PXDN: variants seen among roughly 807,000 people sequenced by gnomAD.
PXDN encodes peroxidasin homolog.
Under a neutral mutation model 140.3 loss-of-function variants are expected in PXDN, and 77 were observed. The ratio of observed to expected loss-of-function variants is 0.55; its 90% CI spans 0.46 to 0.66. The LOEUF (loss-of-function observed/expected upper bound fraction) is 0.66. Ranked by LOEUF, PXDN falls within the 30% of genes least tolerant of loss-of-function variation. PXDN has a pLI of 0.00. For synonymous variants in PXDN, 911 were observed against 857.4 expected, an observed-to-expected ratio of 1.06 and a Z score of -1.09; for missense variants, 1,838 against 2,039.5, an observed-to-expected ratio of 0.90 and a Z score of 1.90.
chr2:1,680,833 G>A (rs1235790979), intron 6 of PXDN, among the ~76,000 whole-genome samples: 2 of 152,168 alleles, frequency 1.3e-5, no homozygotes, highest in Non-Finnish European at 2.9e-5. Context: ...CCTCCGGCCT[G>A]AGGCTTCCCA....
intron 17 of PXDN, 79 bp from the exon 18 acceptor site, chr2:1,644,831 C>A: frequency 7.8e-7 from 1 of 1,289,460 alleles, no homozygotes; most frequent in Non-Finnish European, 1.0e-6. Flanking sequence ...AAAAACAGTT[C>A]TTTCTTTCTA....
intron 8 of PXDN, 49 bp from the exon 9 acceptor site, chr2:1,673,861 G>T: frequency 6.3e-7 from 1 of 1,592,274 alleles, no homozygotes; most frequent in Non-Finnish European, 8.6e-7. Context: ...GCACAAAGAC[G>T]TACCTCACCC....
Position 1,680,305 on chromosome 2 carries a change from C to G in PXDN, c.618G>C (p.Leu206Phe), listed in dbSNP as rs1471201925. Reference sequence around the variant, plus strand: ...TCCCCGACTCCGCGTAGGTTTTCAGCAAATCCGCCAACCACAGGATTTCAC... The same window carrying G: ...TCCCCGACTCCGCGTAGGTTTTCAGGAAATCCGCCAACCACAGGATTTCAC... ...CDCEILWLAD[L>F]LKTYAESGNA... Residue 206 changes from leucine (L) to phenylalanine (F), a missense_variant, in exon 7 of 23, where the codon TTG (leucine) becomes TTC (phenylalanine). Leu to Phe is a conservative substitution (Grantham distance 22). Coordinates refer to ENST00000252804, the MANE Select transcript of PXDN (RefSeq NM_012293.3). The G allele has an allele frequency of 6.2e-7, 1 of 1,614,020 alleles. No homozygotes were observed. The highest frequency in any genetic ancestry group is 8.5e-7 in the Non-Finnish European group (1 of 1,179,896).
chr2:1,711,832 G>A, intron 1 of PXDN, among the ~76,000 whole-genome samples: 1 of 152,220 alleles, frequency 6.6e-6, no homozygotes, highest in South Asian at 2.1e-4. Context: ...ACTCAGGTCT[G>A]TGGAGATCTC....
At chr2:1,691,548 C>T (rs762970332) in intron 3 of PXDN, among the ~76,000 whole-genome samples, 2 of 152,216 alleles carry the variant, frequency 1.3e-5, no homozygotes, top group South Asian at 2.1e-4. Flanking sequence ...GCAAGGCGAC[C>T]GGAAACTATT....
At chr2:1,683,946 GTTA>G in intron 5 of PXDN, 131 bp downstream of exon 5, 4 of 994,498 alleles carry the variant, frequency 4.0e-6, no homozygotes. Context: ...TTTCCAAATT[GTTA>G]GACTAGAAAT....
intron 1 of PXDN, among the ~76,000 whole-genome samples, chr2:1,721,596 G>A (rs1483864617): frequency 1.3e-5 from 2 of 152,188 alleles, no homozygotes; most frequent in Non-Finnish European, 2.9e-5. Flanking sequence ...CAGCACTTTG[G>A]GAGGCCGAGG....
chr2:1,687,704 C>A lies in PXDN; in HGVS notation c.345-1G>T. On this transcript the variant is annotated splice_acceptor_variant, in intron 3 of 22. Transcript: ENST00000252804. LOFTEE classifies it high-confidence loss of function. The surrounding 1 kb of genome is among the most constrained non-coding windows in gnomAD (Gnocchi z 4.0). ...CTGGATCTCATTCTTGTACAGATAGCTGAAACAAGAAACATTGGGGAGCAT... is the reference window on the plus strand; with the variant it reads ...CTGGATCTCATTCTTGTACAGATAGATGAAACAAGAAACATTGGGGAGCAT... The A allele has an allele frequency of 6.6e-7, 1 of 1,511,644 alleles. No individual in the cohort carries two copies. Among genetic ancestry groups the A allele is most frequent in the East Asian group, 2.3e-5 (1 of 43,842 alleles). The allele number at this position is 1,511,644 out of a possible 1,614,324, so 93.6% of individuals were successfully genotyped here.
In PXDN at chr2:1,665,059, G is replaced by C. The variant is rs945360622; in HGVS notation, c.1307C>G (p.Thr436Ser). ...AACGACTCTGTCCTGAGGCGTCACAGTGAACTGAGGAAGAGCTTCCGGAGA... is the reference window on the plus strand; with the variant it reads ...AACGACTCTGTCCTGAGGCGTCACACTGAACTGAGGAAGAGCTTCCGGAGA... ...FIIVQALPQF[T>S]VTPQDRVVIE... Residue 436 changes from threonine to serine, a missense_variant, in exon 11 of 23, where the codon ACT (threonine) becomes AGT (serine). Coordinates refer to ENST00000252804, the MANE Select transcript of PXDN (RefSeq NM_012293.3). The C allele has an allele frequency of 6.2e-7, 1 of 1,606,892 alleles. No individual in the cohort carries two copies. The highest frequency in any genetic ancestry group is 1.3e-5 in the African/African-American group (1 of 74,920).
At chr2:1,705,520 G>GGGTACAGAGTGCAGCTGCCCAC in intron 1 of PXDN, among the ~76,000 whole-genome samples, 1 of 149,624 alleles carries the variant, frequency 6.7e-6, no homozygotes, top group Non-Finnish European at 1.5e-5. Flanking sequence ...CTGGGATGCA[G>GGGTACAGAGTGCAGCTGCCCAC]GGTACAGAGT....
At chr2:1,739,610 G>C (rs1253797940) in intron 1 of PXDN, among the ~76,000 whole-genome samples, 1 of 152,178 alleles carries the variant, frequency 6.6e-6, no homozygotes. Context: ...CATGGTGAGA[G>C]CCTAAGGGTC....
chr2:1,715,332 C>T (rs1030234040), intron 1 of PXDN, among the ~76,000 whole-genome samples: 8 of 152,064 alleles, frequency 5.3e-5, no homozygotes, highest in African/African-American at 1.9e-4. Context: ...TAAGTATGTC[C>T]GGGAAAATAC....
At chr2:1,709,798 C>T (rs547542300) in intron 1 of PXDN, among the ~76,000 whole-genome samples, 5 of 152,340 alleles carry the variant, frequency 3.3e-5, no homozygotes, top group African/African-American at 4.8e-5. Context: ...ACCCAGAGAG[C>T]GTGTTTCTCT....
chr2:1,688,825 T>TTATATA (rs768871140), intron 3 of PXDN, among the ~76,000 whole-genome samples: 2,355 of 152,234 alleles, frequency 0.015, 37 homozygotes, highest in Admixed American at 0.039. Flanking sequence ...ACATTTTTTG[T>TTATATA]CTTAATGCTT....
Position 1,660,947 on chromosome 2 carries a change from G to A in PXDN, c.1771C>T (p.Arg591Cys), listed in dbSNP as rs1558496208. ...INDVGPADAG[R>C]YECVARNTIG... ...GTGTTCCGGGCCACACACTCATAGC[G>A]ACCTGCGTCTGCAGGGCCAACGTCA... The change falls in exon 14 of 23, where the codon CGC becomes TGC. Residue 591 changes from arginine to cysteine, a missense_variant. Arg to Cys is a radical substitution (Grantham distance 180, BLOSUM62 -3). Coordinates refer to ENST00000252804, the MANE Select transcript of PXDN (RefSeq NM_012293.3). The surrounding 1 kb of genome is among the most constrained non-coding windows in gnomAD (Gnocchi z 4.6). 1 of 1,613,868 alleles carries A rather than the reference G, an allele frequency of 6.2e-7. No homozygotes were observed. The highest frequency in any genetic ancestry group is 8.5e-7 in the Non-Finnish European group (1 of 1,179,912).
chr2:1,678,660 G>A (rs933722239), intron 7 of PXDN, among the ~76,000 whole-genome samples: 1 of 152,172 alleles, frequency 6.6e-6, no homozygotes, highest in African/African-American at 2.4e-5. Flanking sequence ...ACAGGTTCTC[G>A]CACAGCTCAG....
At position 1,632,514 on chromosome 2, in the gene PXDN, G is replaced by C. The variant is rs908832696; in HGVS notation, c.*1690C>G. Reference sequence around the variant, plus strand: ...TTTTATCAATCACTTACCAATATGAGGTTAAGAAGTTAAGACAACCATTTT... The same window carrying C: ...TTTTATCAATCACTTACCAATATGACGTTAAGAAGTTAAGACAACCATTTT... On this transcript the variant is annotated 3_prime_UTR_variant, in exon 23 of 23. Transcript: ENST00000252804. This position sits in a 1 kb window ranked among gnomAD's most constrained non-coding sequence, Gnocchi z 4.3. 2.6e-5 allele frequency: 4 copies of C among 152,348 alleles called. No homozygotes were observed. Among genetic ancestry groups the C allele is most frequent in the East Asian group, 1.9e-4 (1 of 5,190 alleles). The allele number at this position is 152,348 out of a possible 1,614,324, so 9.4% of individuals were successfully genotyped here.
At chr2:1,700,182 C>A (rs1684390942) in intron 1 of PXDN, among the ~76,000 whole-genome samples, 1 of 152,190 alleles carries the variant, frequency 6.6e-6, no homozygotes, top group African/African-American at 2.4e-5. Context: ...CTGCCTCAGC[C>A]TCCCAAGTAG....
chr2:1,673,973 G>A (rs1334765892), intron 8 of PXDN, among the ~76,000 whole-genome samples, 161 bp from the exon 9 acceptor site: 2 of 152,200 alleles, frequency 1.3e-5, no homozygotes, highest in African/African-American at 4.8e-5. Flanking sequence ...TGACCTAACA[G>A]GCAATTCTGA....
Sources: allele counts gnomAD v4.1 joint callset (sites outside exome capture counted in the v4.1 genomes callset), GRCh38; gene constraint gnomAD v4.1.1; non-coding constraint Gnocchi (gnomAD v3.1); transcripts MANE v1.5; gene names NCBI Gene and HGNC (gene_info 2026-07-23, HGNC 2026-07-21).